The following SLC7A14 variants were observed in gnomAD, a reference collection of about 807,000 sequenced individuals.
The protein encoded by SLC7A14 is solute carrier family 7 member 14, also known as gamma-aminobutyric acid transporter SLC7A14.
SLC7A14 carries 37 observed loss-of-function variants against 60.2 expected under a neutral mutation model. The observed-to-expected ratio is 0.61, with a 90% CI of 0.47 to 0.81. The LOEUF is 0.81. SLC7A14 is among the 30% of genes least tolerant of loss of function. The pLI is 0.00. For synonymous variants in SLC7A14, 399 were observed against 395.8 expected, an observed-to-expected ratio of 1.01 and a Z score of -0.10; for missense variants, 886 against 982.7, an observed-to-expected ratio of 0.90 and a Z score of 1.32.
chr3:170,472,204 TAA>T (rs79249959), intron 7 of SLC7A14, among the ~76,000 whole-genome samples: 14 of 137,554 alleles, frequency 1.0e-4, no homozygotes, highest in East Asian at 2.1e-4. Flanking sequence ...CCCCGTCTAC[TAA>T]AAAAAAAAAA....
chr3:170,508,990 G>A (rs78456526), intron 2 of SLC7A14, among the ~76,000 whole-genome samples: 18,005 of 152,124 alleles, frequency 0.12, 1,247 homozygotes, highest in East Asian at 0.19. Context: ...TGTCATATGC[G>A]GCTGGACCCA....
intron 2 of SLC7A14, among the ~76,000 whole-genome samples, chr3:170,511,437 C>G (rs116474863): frequency 1.1e-4 from 16 of 152,154 alleles, no homozygotes; most frequent in Middle Eastern, 6.8e-3. Context: ...AATTATTGCT[C>G]TCTGTGGTCT....
At position 170,462,323 on chromosome 3, in the gene SLC7A14, A is replaced by G. The variant is rs1182774013; in HGVS notation, c.*4732T>C. The stretch of plus-strand genomic sequence containing the variant: ...GACTTCCAACAAATGTTGGATGTCT[A>G]ACAAATGTTGGATTTGTCTTCCAAT... On this transcript the variant is annotated 3_prime_UTR_variant, in exon 8 of 8. Coordinates refer to ENST00000231706, the MANE Select transcript of SLC7A14 (RefSeq NM_020949.3). 1 of 152,236 alleles carries G rather than the reference A, an allele frequency of 6.6e-6. No individual in the cohort carries two copies. The highest frequency in any genetic ancestry group is 1.5e-5 in the Non-Finnish European group (1 of 68,040). The allele number at this position is 152,236 out of a possible 1,614,324, so 9.4% of individuals were successfully genotyped here. A position where few individuals can be genotyped will look rare whatever the true frequency, so the allele number is the denominator to read the frequency against.
At chr3:170,567,003 TTATTTTA>T (rs1714810487) in intron 1 of SLC7A14, among the ~76,000 whole-genome samples, 1 of 142,876 alleles carries the variant, frequency 7.0e-6, no homozygotes, top group Non-Finnish European at 1.6e-5. Context: ...TTTTATTTTT[TTATTTTA>T]TTTTATTATT....
chr3:170,568,196 G>A (rs2108313693), intron 1 of SLC7A14, among the ~76,000 whole-genome samples: 1 of 152,244 alleles, frequency 6.6e-6, no homozygotes, highest in Admixed American at 6.5e-5. Context: ...TAAGGTGTAA[G>A]GAAGGGATCC....
intron 6 of SLC7A14, among the ~76,000 whole-genome samples, chr3:170,481,430 C>T (rs911833827): frequency 7.4e-6 from 1 of 136,004 alleles, no homozygotes; most frequent in Non-Finnish European, 1.5e-5. Flanking sequence ...TCTCACTCTG[C>T]TTACTCTGTC....
At chr3:170,496,476 G>A in intron 4 of SLC7A14, 2 of 1,343,622 alleles carry the variant, frequency 1.5e-6, no homozygotes, top group African/African-American at 1.4e-5. Context: ...CGTTAAGGAT[G>A]CCAGCGCCAA....
At position 170,483,165 on chromosome 3, in the gene SLC7A14, C is replaced by A. The variant is rs552180157; in HGVS notation, c.1115+149G>T. On this transcript the variant is annotated intron_variant, in intron 6 of 7. Transcript: ENST00000231706. ...CTGCTTCAGGGCCTGAGCTCTGTTA[C>A]TCAGACTTTTCTTCAGGATACATAA... The A allele has an allele frequency of 3.3e-6, 3 of 904,066 alleles. No homozygotes were observed. The African/African-American group carries it at 5.0e-5, about 15-fold the overall frequency. 56.0% of individuals were successfully genotyped at this position (904,066 alleles called of 1,614,324 possible). A position where few individuals can be genotyped will look rare whatever the true frequency, so the allele number is the denominator to read the frequency against.
In SLC7A14 at chr3:170,585,599, G is replaced by T. The variant is rs1715363370; in HGVS notation, c.-153+312C>A. ...TCTGCCTCCCGCTCTAGCGGCGCCG[G>T]AGCCGCGCTGGCCCCCGCCCCGCCC... On this transcript the variant is annotated intron_variant, in intron 1 of 7. Transcript: ENST00000231706. The surrounding 1 kb of genome is among the most constrained non-coding windows in gnomAD (Gnocchi z 5.1). Among the ~76,000 whole-genome samples, 2 of 152,128 alleles carry T rather than the reference G, an allele frequency of 1.3e-5. No homozygotes were observed. The highest frequency in any genetic ancestry group is 4.1e-4 in the South Asian group (2 of 4,834).
At chr3:170,475,038 G>T (rs758299158) in intron 7 of SLC7A14, among the ~76,000 whole-genome samples, 3 of 152,192 alleles carry the variant, frequency 2.0e-5, no homozygotes, top group African/African-American at 4.8e-5. Flanking sequence ...CCCTTGAGAG[G>T]TTCTTTCACA....
At chr3:170,495,881 G>T in intron 4 of SLC7A14, 2 of 1,341,118 alleles carry the variant, frequency 1.5e-6, no homozygotes, top group Non-Finnish European at 2.1e-6. Context: ...TTAGGCGGCA[G>T]CTGGAGGCTC....
rs978664991 is a variant in SLC7A14, at chr3:170,465,801, T to A, written c.*1254A>T. 2 of 152,236 alleles carry A rather than the reference T, an allele frequency of 1.3e-5. No individual in the cohort carries two copies. Among genetic ancestry groups the A allele is most frequent in the Non-Finnish European group, 2.9e-5 (2 of 68,036 alleles). The allele number at this position is 152,236 out of a possible 1,614,324, so 9.4% of individuals were successfully genotyped here. On this transcript the variant is annotated 3_prime_UTR_variant, in exon 8 of 8. Transcript: ENST00000231706. The stretch of plus-strand genomic sequence containing the variant: ...AATTTATATTGTAGCCCATGTGTGT[T>A]TTTTTCCTTTGCAAATTCTCTCATC...
chr3:170,566,073 T>G (rs557253950), intron 1 of SLC7A14, among the ~76,000 whole-genome samples: 22 of 152,278 alleles, frequency 1.4e-4, no homozygotes, highest in African/African-American at 4.8e-4. Flanking sequence ...TTCTGTCTTA[T>G]AGAAGAGGAA....
intron 7 of SLC7A14, 127 bp downstream of exon 7, chr3:170,480,162 G>A: frequency 2.2e-6 from 2 of 902,296 alleles, no homozygotes; most frequent in Non-Finnish European, 3.2e-6. Flanking sequence ...CGGAACACAA[G>A]GGTCCATAGA....
Position 170,467,387 on chromosome 3 carries a change from G to C in SLC7A14, c.1994-10C>G, listed in dbSNP as rs1333832947. ...AAATAAATGAGCAGACCTGTGGGGC[G>C]AGGGGAAAGGTACAGGTGAATAAGC... is the stretch of plus-strand genomic sequence containing the variant. On this transcript the variant is annotated splice_polypyrimidine_tract_variant and intron_variant, in intron 7 of 7. Coordinates refer to ENST00000231706, the MANE Select transcript of SLC7A14 (RefSeq NM_020949.3). 6.4e-7 allele frequency: 1 copy of C among 1,558,884 alleles called. No individual in the cohort carries two copies. The highest frequency in any genetic ancestry group is 1.8e-5 in the Admixed American group (1 of 54,440).
chr3:170,481,310 C>G, intron 6 of SLC7A14, 144 bp from the exon 7 acceptor site: 1 of 802,532 alleles, frequency 1.2e-6, no homozygotes, highest in Non-Finnish European at 1.9e-6. Flanking sequence ...TCTGCATTCA[C>G]TACTTTAAAT....
intron 1 of SLC7A14, among the ~76,000 whole-genome samples, chr3:170,559,776 G>A (rs1714591056): frequency 6.6e-6 from 1 of 152,136 alleles, no homozygotes; most frequent in Non-Finnish European, 1.5e-5. Flanking sequence ...AATTTGGGAA[G>A]TTATACTGCA....
intron 2 of SLC7A14, among the ~76,000 whole-genome samples, chr3:170,523,823 A>C (rs867922010): frequency 6.6e-6 from 1 of 152,308 alleles, no homozygotes. Context: ...ATGATGTGAA[A>C]GTGGAAAAAA....
chr3:170,475,151 G>A (rs1698939027), intron 7 of SLC7A14, among the ~76,000 whole-genome samples: 2 of 152,232 alleles, frequency 1.3e-5, no homozygotes, highest in African/African-American at 4.8e-5. Flanking sequence ...TGAAGGAAAA[G>A]AAACATGTGC....
Sources: allele counts gnomAD v4.1 joint callset (sites outside exome capture counted in the v4.1 genomes callset), GRCh38; gene constraint gnomAD v4.1.1; non-coding constraint Gnocchi (gnomAD v3.1); transcripts MANE v1.5; gene names NCBI Gene and HGNC (gene_info 2026-07-23, HGNC 2026-07-21).